The following TFDP2 variants were observed in gnomAD, a reference collection of about 807,000 sequenced individuals.
TFDP2 encodes the protein transcription factor Dp-2.
TFDP2 carries 17 observed loss-of-function variants against 59.3 expected under a neutral mutation model. The ratio of observed to expected loss-of-function variants is 0.29; its 90% CI spans 0.20 to 0.43. The LOEUF is 0.43. Among genes scored for constraint, TFDP2 ranks in the 20% least tolerant of loss-of-function variants. The pLI, the probability that TFDP2 is intolerant of heterozygous loss-of-function variation, is 1.00. For synonymous variants in TFDP2, 180 were observed against 194.7 expected (o/e 0.92, Z 0.63); for missense variants, 391 against 528.8 (o/e 0.74, Z 2.56).
Position 142,101,830 on chromosome 3 carries a change from T to G in TFDP2, c.-81A>C, listed in dbSNP as rs1269724818. On this transcript the variant is annotated 5_prime_UTR_variant, in exon 2 of 13. Coordinates refer to ENST00000489671, the MANE Select transcript of TFDP2 (RefSeq NM_001178139.2). ...AAAACCTTCGTCTTCAATAATTCTT[T>G]AAAAGAACAACCTGTTAAAGGAAAA... The G allele has an allele frequency of 1.2e-6, 1 of 807,510 alleles. No homozygotes were observed. Among genetic ancestry groups the G allele is most frequent in the East Asian group, 2.8e-5 (1 of 36,202 alleles). 50.0% of individuals were successfully genotyped at this position (807,510 alleles called of 1,614,324 possible). A position where few individuals can be genotyped will look rare whatever the true frequency, so the allele number is the denominator to read the frequency against.
chr3:142,007,189 GT>G (rs1944286818), intron 3 of TFDP2, among the ~76,000 whole-genome samples: 2 of 152,090 alleles, frequency 1.3e-5, no homozygotes, highest in Non-Finnish European at 2.9e-5. Context: ...TTTCCCTTCA[GT>G]TTTTCTGCCC....
chr3:141,966,212 G>A (rs900436503), intron 9 of TFDP2, among the ~76,000 whole-genome samples: 8 of 151,718 alleles, frequency 5.3e-5, no homozygotes, highest in Non-Finnish European at 1.0e-4. Context: ...TCACTCTGTT[G>A]CCCAGGCTGG....
chr3:142,015,638 T>A (rs763079166), intron 3 of TFDP2, among the ~76,000 whole-genome samples: 9 of 152,162 alleles, frequency 5.9e-5, no homozygotes, highest in Admixed American at 1.3e-4. Context: ...ATTACTGCAA[T>A]AGGTTCCTGA....
intron 3 of TFDP2, chr3:142,043,558 C>A: frequency 1.4e-6 from 1 of 703,438 alleles, no homozygotes; most frequent in Non-Finnish European, 2.5e-6. Context: ...ATAAAGGTTT[C>A]TTTTATTTTA....
chr3:141,960,491 CA>C (rs1383965518), intron 10 of TFDP2, among the ~76,000 whole-genome samples: 2 of 152,216 alleles, frequency 1.3e-5, no homozygotes, highest in Non-Finnish European at 2.9e-5. Context: ...AAGGAAGACA[CA>C]GTCCTTCCGA....
intron 3 of TFDP2, among the ~76,000 whole-genome samples, chr3:142,055,238 C>T (rs1036587551): frequency 1.3e-5 from 2 of 151,994 alleles, no homozygotes; most frequent in Admixed American, 6.6e-5. Context: ...GTGTTGTGGC[C>T]ATAGTAATCC....
chr3:141,978,398 A>G lies in TFDP2; in HGVS notation c.519+122T>C, dbSNP rs1941037894. 4 of 1,053,078 alleles carry G rather than the reference A, an allele frequency of 3.8e-6. No homozygotes were observed. In the South Asian group the frequency reaches 9.6e-5, roughly 25 times the overall value. The allele number at this position is 1,053,078 out of a possible 1,614,324, so 65.2% of individuals were successfully genotyped here. ...AAATAAAACTCAACAACAACAAAAA[A>G]TCCCCCAAAATAAAGGATAAAACCC... On this transcript the variant is annotated intron_variant, in intron 7 of 12. Coordinates refer to ENST00000489671, the MANE Select transcript of TFDP2 (RefSeq NM_001178139.2).
At chr3:142,115,315 C>CTTTTTTT (rs906368574) in intron 1 of TFDP2, among the ~76,000 whole-genome samples, 2 of 130,974 alleles carry the variant, frequency 1.5e-5, no homozygotes, top group Non-Finnish European at 1.6e-5. Flanking sequence ...CACGCATTTT[C>CTTTTTTT]TTTTTTTTTT....
intron 3 of TFDP2, among the ~76,000 whole-genome samples, chr3:142,023,493 G>C (rs1167763245): frequency 2.0e-5 from 3 of 151,926 alleles, no homozygotes; most frequent in African/African-American, 7.3e-5. Context: ...GCCTGGCTGG[G>C]GGGTACTTAA....
intron 4 of TFDP2, among the ~76,000 whole-genome samples, chr3:141,997,078 C>G (rs536790221): frequency 6.6e-6 from 1 of 152,154 alleles, no homozygotes; most frequent in Non-Finnish European, 1.5e-5. Flanking sequence ...TCCCACATCC[C>G]CACTTTCAGT....
At chr3:142,128,629 G>T (rs977337524) in intron 1 of TFDP2, among the ~76,000 whole-genome samples, 2 of 150,684 alleles carry the variant, frequency 1.3e-5, no homozygotes, top group Non-Finnish European at 2.9e-5. Flanking sequence ...CAAAACAGGA[G>T]ACACCAAATT....
intron 4 of TFDP2, among the ~76,000 whole-genome samples, chr3:141,998,537 A>T (rs1158610034): frequency 6.6e-6 from 1 of 152,162 alleles, no homozygotes; most frequent in East Asian, 1.9e-4. Context: ...GAATCACTTG[A>T]ACCTGGGAAG....
intron 3 of TFDP2, among the ~76,000 whole-genome samples, chr3:142,030,225 T>C (rs778431177): frequency 1.3e-5 from 2 of 152,234 alleles, no homozygotes; most frequent in Non-Finnish European, 2.9e-5. Context: ...TAAACTGGGT[T>C]GTAAACACGT....
chr3:142,061,929 C>T (rs1290030395), intron 3 of TFDP2, among the ~76,000 whole-genome samples: 2 of 144,226 alleles, frequency 1.4e-5, no homozygotes, highest in South Asian at 2.1e-4. Context: ...CACACACACA[C>T]ACACACACAC....
chr3:142,009,228 C>G (rs1944447531), intron 3 of TFDP2, among the ~76,000 whole-genome samples: 1 of 152,166 alleles, frequency 6.6e-6, no homozygotes, highest in Non-Finnish European at 1.5e-5. Context: ...CTTTCCTAAT[C>G]TGGATGCCAA....
At chr3:142,113,056 C>A (rs2061716107) in intron 1 of TFDP2, among the ~76,000 whole-genome samples, 2 of 152,092 alleles carry the variant, frequency 1.3e-5, no homozygotes, top group East Asian at 1.9e-4. Flanking sequence ...TAGAAACATT[C>A]TTTTATCAAG....
At chr3:142,070,271 C>G (rs911804191) in intron 3 of TFDP2, among the ~76,000 whole-genome samples, 12 of 152,030 alleles carry the variant, frequency 7.9e-5, no homozygotes, top group Admixed American at 5.3e-4. Flanking sequence ...GAGTGAAATA[C>G]GATACATCAG....
chr3:142,029,891 T>C (rs535301057), intron 3 of TFDP2, among the ~76,000 whole-genome samples: 28 of 152,332 alleles, frequency 1.8e-4, no homozygotes, highest in Non-Finnish European at 3.8e-4. Flanking sequence ...TTCGTGAGCT[T>C]AGTTTATTTC....
At chr3:142,119,426 A>C (rs1288881845) in intron 1 of TFDP2, among the ~76,000 whole-genome samples, 1 of 152,224 alleles carries the variant, frequency 6.6e-6, no homozygotes, top group Non-Finnish European at 1.5e-5. Context: ...ACTTTCAAGA[A>C]ACTTAAGGGA....
Sources: allele counts gnomAD v4.1 joint callset (sites outside exome capture counted in the v4.1 genomes callset), GRCh38; gene constraint gnomAD v4.1.1; transcripts MANE v1.5; gene names NCBI Gene and HGNC (gene_info 2026-07-23, HGNC 2026-07-21).